CDH18: variants seen among roughly 807,000 people sequenced by gnomAD.
CDH18 encodes cadherin-18.
CDH18 carries 31 observed loss-of-function variants against 67.9 expected under a neutral mutation model. That is an observed-to-expected ratio of 0.46 (90% CI 0.34 to 0.62). The LOEUF is 0.62. CDH18 is among the 20% of genes least tolerant of loss of function. The pLI, the probability that CDH18 is intolerant of heterozygous loss-of-function variation, is 0.01. For missense variants in CDH18, 890 were observed against 975.5 expected, an observed-to-expected ratio of 0.91 and a Z score of 1.17; for synonymous variants, 362 against 347.2, an observed-to-expected ratio of 1.04 and a Z score of -0.48.
chr5:20,219,753 C>T (rs1291622537), intron 2 of CDH18, among the ~76,000 whole-genome samples: 1 of 151,424 alleles, frequency 6.6e-6, no homozygotes, highest in African/African-American at 2.4e-5. Flanking sequence ...TCAATTGATG[C>T]AAAAATATTT....
intron 10 of CDH18, among the ~76,000 whole-genome samples, chr5:19,508,865 C>CTTTTTT (rs35438564): frequency 3.1e-5 from 4 of 127,600 alleles, no homozygotes; most frequent in African/African-American, 6.0e-5. Flanking sequence ...TCTTTCTTTT[C>CTTTTTT]TTTTTTTTTT....
rs149828207 is a variant in CDH18 at position 19,999,217 on chromosome 5, T to TACACAC, written c.-517-7209_-517-7204dup. ...TCACGACATTGAAGGAACTATTATT[T>TACACAC]ACACACACACACACACACACGCACA... is the stretch of plus-strand genomic sequence containing the variant. On this transcript the variant is annotated intron_variant, in intron 2 of 14. Coordinates refer to the CDH18 transcript ENST00000507958. Among the ~76,000 whole-genome samples the TACACAC allele has an allele frequency of 3.0e-3, 453 of 149,866 alleles. 3 individuals are homozygous for TACACAC. Among genetic ancestry groups the TACACAC allele is most frequent in the African/African-American group, 0.01 (422 of 40,958 alleles).
At chr5:20,291,010 G>A (rs1374746147) in intron 1 of CDH18, among the ~76,000 whole-genome samples, 1 of 151,908 alleles carries the variant, frequency 6.6e-6, no homozygotes, top group African/African-American at 2.4e-5. Context: ...AATGGACAAG[G>A]GAAAAATGTA....
chr5:19,660,311 T>C (rs1043662207), intron 5 of CDH18, among the ~76,000 whole-genome samples: 2 of 152,136 alleles, frequency 1.3e-5, no homozygotes, highest in Non-Finnish European at 2.9e-5. Context: ...AAAACAACTT[T>C]TTGCCTCATT....
chr5:19,902,618 T>C (rs1160275415), intron 2 of CDH18, among the ~76,000 whole-genome samples: 1 of 151,930 alleles, frequency 6.6e-6, no homozygotes, highest in African/African-American at 2.4e-5. Context: ...AGATTTCTCA[T>C]GAGCAAGAAC....
In CDH18 at chr5:19,478,148, T is replaced by C. The variant is rs190088278; in HGVS notation, c.1883-4432A>G. 2.5e-3 allele frequency among the ~76,000 whole-genome samples: 383 copies of C among 152,314 alleles called. 1 individual carries two copies. The highest frequency in any genetic ancestry group is 4.2e-3 in the Non-Finnish European group (287 of 68,014). ...AATATGTATTTTTTCCTATATATTATGTATCATTCCAGTGCTTGGCATACT... is the reference window on the plus strand; with the variant it reads ...AATATGTATTTTTTCCTATATATTACGTATCATTCCAGTGCTTGGCATACT... On this transcript the variant is annotated intron_variant, in intron 12 of 12. Transcript: ENST00000382275.
chr5:19,525,425 C>A lies in CDH18; in HGVS notation c.1391-4647G>T, dbSNP rs145493629. Among the ~76,000 whole-genome samples the A allele has an allele frequency of 3.5e-3, 528 of 152,042 alleles. 1 individual carries two copies. Among genetic ancestry groups the A allele is most frequent in the African/African-American group, 0.012 (508 of 41,316 alleles). On this transcript the variant is annotated intron_variant, in intron 9 of 12. Coordinates refer to ENST00000382275, the MANE Select transcript of CDH18 (RefSeq NM_004934.5). The stretch of plus-strand genomic sequence containing the variant: ...GGGTAATATCAGTTTCGTCTATATA[C>A]CTACTATCATTCAGTGTCCTGTAGG...
chr5:20,000,745 G>A (rs912083213), intron 2 of CDH18, among the ~76,000 whole-genome samples: 1 of 151,908 alleles, frequency 6.6e-6, no homozygotes, highest in African/African-American at 2.4e-5. Flanking sequence ...GGGGATCAGT[G>A]ATAGAACTAG....
intron 2 of CDH18, among the ~76,000 whole-genome samples, chr5:20,093,490 T>TA (rs1259317442): frequency 1.3e-5 from 2 of 152,122 alleles, no homozygotes; most frequent in Admixed American, 6.6e-5. Flanking sequence ...TGCATTGTGT[T>TA]AGAGTATTTG....
intron 8 of CDH18, among the ~76,000 whole-genome samples, chr5:19,561,572 G>A (rs780243908): frequency 2.2e-4 from 34 of 152,058 alleles, no homozygotes; most frequent in Non-Finnish European, 3.5e-4. Flanking sequence ...ATCAGGTGAT[G>A]GGTGCACCAA....
intron 12 of CDH18, 41 bp downstream of exon 12, chr5:19,483,260 A>C: frequency 6.4e-7 from 1 of 1,565,070 alleles, no homozygotes; most frequent in Non-Finnish European, 8.7e-7. Context: ...CCTCTCATTC[A>C]GAATTGCCAT....
intron 3 of CDH18, among the ~76,000 whole-genome samples, chr5:19,755,427 G>GTATACATATATATATATA (rs1373982305): frequency 1.0e-3 from 45 of 44,650 alleles, no homozygotes; most frequent in African/African-American, 2.7e-3. Context: ...AACTAACAGG[G>GTATACATATATATATATA]TATGTATATA....
chr5:19,486,282 T>G (rs1229663028), intron 11 of CDH18, among the ~76,000 whole-genome samples: 3 of 150,276 alleles, frequency 2.0e-5, no homozygotes, highest in African/African-American at 7.3e-5. Flanking sequence ...GAAGAAGAAA[T>G]ATATATATAT....
At chr5:19,805,847 C>A (rs1465956548) in intron 3 of CDH18, among the ~76,000 whole-genome samples, 6 of 152,166 alleles carry the variant, frequency 3.9e-5, no homozygotes, top group Non-Finnish European at 7.3e-5. Context: ...AACAAAGCAT[C>A]CTCTCTGATG....
intron 2 of CDH18, among the ~76,000 whole-genome samples, chr5:20,180,388 T>C (rs1737589784): frequency 6.6e-6 from 1 of 152,158 alleles, no homozygotes; most frequent in South Asian, 2.1e-4. Flanking sequence ...ACTGTTTCTA[T>C]GGATTGTTTG....
At chr5:19,994,899 G>A (rs1350634532) in intron 2 of CDH18, among the ~76,000 whole-genome samples, 2 of 138,196 alleles carry the variant, frequency 1.4e-5, no homozygotes, top group African/African-American at 5.6e-5. Context: ...GATATATAGA[G>A]AAAAAGCTCA....
chr5:19,940,807 A>C (rs564492913), intron 2 of CDH18, among the ~76,000 whole-genome samples: 8 of 152,146 alleles, frequency 5.3e-5, no homozygotes, highest in South Asian at 2.1e-4. Flanking sequence ...CTTACCACCA[A>C]CAACAATAGC....
At chr5:20,214,570 A>G (rs1297074528) in intron 2 of CDH18, among the ~76,000 whole-genome samples, 1 of 152,076 alleles carries the variant, frequency 6.6e-6, no homozygotes, top group Non-Finnish European at 1.5e-5. Context: ...AAAGCTGACC[A>G]AAGCTGACAA....
chr5:19,857,262 A>G (rs908214639), intron 2 of CDH18, among the ~76,000 whole-genome samples: 5 of 152,140 alleles, frequency 3.3e-5, no homozygotes, highest in Non-Finnish European at 7.3e-5. Context: ...AAAAAAAAAA[A>G]AAAGTTGAAG....
Sources: allele counts gnomAD v4.1 joint callset (sites outside exome capture counted in the v4.1 genomes callset), GRCh38; gene constraint gnomAD v4.1.1; transcripts MANE v1.5; gene names NCBI Gene and HGNC (gene_info 2026-07-23, HGNC 2026-07-21).